The following PRKCH variants were observed in gnomAD, a reference collection of about 807,000 sequenced individuals.
PRKCH encodes protein kinase C eta type.
Under a neutral mutation model 82.5 loss-of-function variants are expected in PRKCH, and 28 were observed. The observed-to-expected ratio is 0.34, with a 90% CI of 0.25 to 0.47. The LOEUF (loss-of-function observed/expected upper bound fraction) is 0.47. Among genes scored for constraint, PRKCH ranks in the 20% least tolerant of loss-of-function variants. PRKCH has a pLI of 1.00. For missense variants in PRKCH, 705 were observed against 881.8 expected, an observed-to-expected ratio of 0.80 and a Z score of 2.54; for synonymous variants, 322 against 327.4, an observed-to-expected ratio of 0.98 and a Z score of 0.18.
At chr14:61,324,643 A>G (rs1209231856) in intron 1 of PRKCH, among the ~76,000 whole-genome samples, 1 of 152,052 alleles carries the variant, frequency 6.6e-6, no homozygotes, top group Non-Finnish European at 1.5e-5. Context: ...AAAAATAGAG[A>G]TGGGGTCTTG....
chr14:61,272,344 C>CTTTTTTTTTTTTTTT (rs1162331604), intron 1 of PRKCH, among the ~76,000 whole-genome samples: 7 of 23,606 alleles, frequency 3.0e-4, no homozygotes, highest in African/African-American at 6.4e-4. Flanking sequence ...TTTTTTCTTT[C>CTTTTTTTTTTTTTTT]TTTTTTTTTT....
At chr14:61,375,261 C>T (rs1182510407) in intron 1 of PRKCH, among the ~76,000 whole-genome samples, 1 of 152,054 alleles carries the variant, frequency 6.6e-6, no homozygotes, top group Non-Finnish European at 1.5e-5. Flanking sequence ...CTTCATTGTC[C>T]ATATCGCTAT....
intron 2 of PRKCH, among the ~76,000 whole-genome samples, chr14:61,412,851 T>C (rs1030999027): frequency 1.3e-5 from 2 of 152,176 alleles, no homozygotes; most frequent in Non-Finnish European, 1.5e-5. Context: ...TGTCCCTCAG[T>C]GTGGCCATCT....
At chr14:61,461,253 G>A (rs568101590) in intron 9 of PRKCH, among the ~76,000 whole-genome samples, 3 of 152,226 alleles carry the variant, frequency 2.0e-5, no homozygotes, top group South Asian at 4.1e-4. Context: ...GCCTTGAAAC[G>A]ACTTCCTTGG....
chr14:61,263,953 CTTATT>C (rs1254898818), intron 1 of PRKCH, among the ~76,000 whole-genome samples: 3 of 149,968 alleles, frequency 2.0e-5, no homozygotes, highest in East Asian at 2.0e-4. Flanking sequence ...GAACAACATC[CTTATT>C]TTATTTAATC....
At chr14:61,486,753 A>G (rs1463559242) in intron 10 of PRKCH, among the ~76,000 whole-genome samples, 4 of 151,348 alleles carry the variant, frequency 2.6e-5, no homozygotes, top group South Asian at 2.1e-4. Context: ...GCCTCAAGCA[A>G]TCCTCCCACC....
At chr14:61,369,465 T>C (rs1018989623) in intron 1 of PRKCH, among the ~76,000 whole-genome samples, 1 of 152,164 alleles carries the variant, frequency 6.6e-6, no homozygotes, top group African/African-American at 2.4e-5. Flanking sequence ...TTGTTTGCTT[T>C]GCTTCGCGTC....
At chr14:61,259,391 G>A (rs1178287711) in intron 1 of PRKCH, among the ~76,000 whole-genome samples, 1 of 152,144 alleles carries the variant, frequency 6.6e-6, no homozygotes, top group African/African-American at 2.4e-5. Context: ...CACACTGACT[G>A]ACTAACGATA....
rs60681842 is a variant in PRKCH, at chr14:61,454,849, A to G, written c.960+1496A>G. 0.019 allele frequency among the ~76,000 whole-genome samples: 2,877 copies of G among 152,282 alleles called. 199 individuals are homozygous for G. In the East Asian group the frequency reaches 0.26, roughly 14 times the overall value. On this transcript the variant is annotated intron_variant, in intron 7 of 13. Transcript: ENST00000332981. ...TGGGAAATAGCCATGTAAGATCTGA[A>G]CGGTGTAGCTTGGTGTCCAGTTCAG...
At chr14:61,414,023 T>G (rs11158343) in intron 2 of PRKCH, among the ~76,000 whole-genome samples, 15 of 152,226 alleles carry the variant, frequency 9.9e-5, no homozygotes, top group African/African-American at 3.4e-4. Flanking sequence ...ATCATCCCAT[T>G]CTTCCCTTCT....
At chr14:61,268,257 T>A (rs1312025260) in intron 1 of PRKCH, among the ~76,000 whole-genome samples, 9 of 152,234 alleles carry the variant, frequency 5.9e-5, no homozygotes, top group Non-Finnish European at 2.9e-5. Flanking sequence ...CATCCTGATT[T>A]TAGAAATGTT....
chr14:61,407,855 A>G (rs1182248205), intron 2 of PRKCH, among the ~76,000 whole-genome samples: 2 of 152,172 alleles, frequency 1.3e-5, no homozygotes, highest in Non-Finnish European at 2.9e-5. Flanking sequence ...GGCTGAAATC[A>G]GCCTGCAGAC....
At chr14:61,296,671 G>T (rs1229038820) in intron 1 of PRKCH, among the ~76,000 whole-genome samples, 2 of 152,142 alleles carry the variant, frequency 1.3e-5, no homozygotes, top group Non-Finnish European at 2.9e-5. Flanking sequence ...TAGACATCAA[G>T]ATAATATCCT....
chr14:61,367,360 A>ATGTGTGTGTGTG (rs35762429), intron 1 of PRKCH, among the ~76,000 whole-genome samples: 1 of 144,956 alleles, frequency 6.9e-6, no homozygotes, highest in African/African-American at 2.7e-5. Context: ...GTGTGTGTGT[A>ATGTGTGTGTGTG]TGTGTGTGTG....
chr14:61,299,952 C>T (rs2045436713), intron 1 of PRKCH: 2 of 152,166 alleles, frequency 1.3e-5, no homozygotes, highest in Admixed American at 1.3e-4. Context: ...GGACAAATAA[C>T]ATTTTTCATC....
chr14:61,547,905 C>T lies in PRKCH; in HGVS notation c.1905+19C>T, dbSNP rs1359606940. Reference sequence around the variant, plus strand: ...CAGAATCGTAAGTGTCCCAGGCTGTCACAGAGACATTCCTTTCTTCAGATG... The same window carrying T: ...CAGAATCGTAAGTGTCCCAGGCTGTTACAGAGACATTCCTTTCTTCAGATG... On this transcript the variant is annotated intron_variant, in intron 13 of 13. Transcript: ENST00000332981. The T allele has an allele frequency of 1.2e-6, 2 of 1,609,464 alleles. No individual in the cohort carries two copies. Among genetic ancestry groups the T allele is most frequent in the Non-Finnish European group, 1.7e-6 (2 of 1,176,980 alleles).
In PRKCH at chr14:61,525,423, G is replaced by A. The variant is rs555012118; in HGVS notation, c.1434-3652G>A. 3.3e-5 allele frequency among the ~76,000 whole-genome samples: 5 copies of A among 152,270 alleles called. No homozygotes were observed. The South Asian group carries it at 8.3e-4, about 25-fold the overall frequency. The stretch of plus-strand genomic sequence containing the variant: ...ATTAGATTGAAATCAGGATTAAGGT[G>A]TCTAACCTGCCTTTGTGGCCTCGGG... On this transcript the variant is annotated intron_variant, in intron 10 of 13. Transcript: ENST00000332981.
intron 1 of PRKCH, among the ~76,000 whole-genome samples, chr14:61,204,397 G>A (rs993425723): frequency 1.3e-5 from 2 of 152,078 alleles, no homozygotes; most frequent in African/African-American, 2.4e-5. Context: ...CTAATAAATG[G>A]AGAAATAAAA....
intron 10 of PRKCH, among the ~76,000 whole-genome samples, chr14:61,508,147 A>AACATGGCAATTG (rs550893777): frequency 6.6e-6 from 1 of 152,090 alleles, no homozygotes; most frequent in Non-Finnish European, 1.5e-5. Context: ...CCCAGCCTTT[A>AACATGGCAATTG]ACATGGCAAT....
Sources: gnomAD v4.1 joint callset for allele counts (sites outside exome capture counted in the v4.1 genomes callset) on GRCh38, gnomAD v4.1.1 for gene constraint, MANE v1.5 for transcripts, NCBI Gene and HGNC (gene_info 2026-07-23, HGNC 2026-07-21) for gene names.